The following ODAD2 variants were observed in gnomAD, a reference collection of about 807,000 sequenced individuals.
ODAD2 encodes outer dynein arm-docking complex subunit 2.
A neutral mutation model predicts 106.8 loss-of-function variants in ODAD2; 89 were observed. The observed-to-expected ratio is 0.83, with a 90% CI of 0.70 to 0.99. ODAD2 has a LOEUF of 0.99. ODAD2 is among the 50% of genes least tolerant of loss of function. The probability of loss-of-function intolerance (pLI) is 0.00; values close to 1 mark genes in which losing one functional copy is unlikely to be tolerated. For synonymous variants in ODAD2, 404 were observed against 436.2 expected, an observed-to-expected ratio of 0.93 and a Z score of 0.92; for missense variants, 1,168 against 1,238.5, an observed-to-expected ratio of 0.94 and a Z score of 0.85.
chr10:27,988,178 A>AT (rs995524342), intron 2 of ODAD2, among the ~76,000 whole-genome samples: 2 of 151,610 alleles, frequency 1.3e-5, no homozygotes, highest in African/African-American at 4.9e-5. Flanking sequence ...CATTTTAATG[A>AT]TTTTTTTCAG....
rs1244400257 is a variant in ODAD2, at chr10:27,961,725, A to G, written c.1239-10T>C. The G allele has an allele frequency of 2.5e-6, 4 of 1,600,474 alleles. No homozygotes were observed. The highest frequency in any genetic ancestry group is 1.1e-5 in the South Asian group (1 of 88,376). ...CTTTTCAGCACTCTTCCTAAGAACA[A>G]TAACAACACACATACACATGTAAGC... On this transcript the variant is annotated splice_polypyrimidine_tract_variant and intron_variant, in intron 9 of 19. Coordinates refer to ENST00000305242, the MANE Select transcript of ODAD2 (RefSeq NM_018076.5).
chr10:27,903,722 C>T (rs961658168), intron 17 of ODAD2, among the ~76,000 whole-genome samples: 2 of 152,104 alleles, frequency 1.3e-5, no homozygotes. Flanking sequence ...GAATAAAATA[C>T]CTAGGAATAG....
At chr10:27,891,336 C>G (rs548305954) in intron 17 of ODAD2, among the ~76,000 whole-genome samples, 1 of 151,978 alleles carries the variant, frequency 6.6e-6, no homozygotes, top group African/African-American at 2.4e-5. Flanking sequence ...CAGTTTGGAG[C>G]AGAACTTTAG....
chr10:27,940,882 T>C, intron 12 of ODAD2, 77 bp from the exon 13 acceptor site: 5 of 1,443,986 alleles, frequency 3.5e-6, no homozygotes. Context: ...AGCTACAGTG[T>C]TCCTTACCAA....
At chr10:27,897,414 T>C (rs1842930033) in intron 17 of ODAD2, among the ~76,000 whole-genome samples, 1 of 152,194 alleles carries the variant, frequency 6.6e-6, no homozygotes. Context: ...TTGGTAAAAA[T>C]TCTATCATGT....
chr10:27,852,960 CA>C (rs61548333), intron 19 of ODAD2, among the ~76,000 whole-genome samples: 3,639 of 84,696 alleles, frequency 0.043, 85 homozygotes, highest in African/African-American at 0.14. Flanking sequence ...GACACAGTCT[CA>C]AAAAAAAAAA....
intron 19 of ODAD2, among the ~76,000 whole-genome samples, chr10:27,842,134 A>G (rs1383725048): frequency 6.6e-6 from 1 of 152,158 alleles, no homozygotes; most frequent in Non-Finnish European, 1.5e-5. Flanking sequence ...TCCCTTCATT[A>G]GTCTTCATTT....
chr10:27,882,225 G>GAAAGAAAGAAAGAAAGAAAT (rs1564461538), intron 17 of ODAD2, among the ~76,000 whole-genome samples: 5 of 150,724 alleles, frequency 3.3e-5, no homozygotes, highest in African/African-American at 1.2e-4. Context: ...AAGAAAGAAA[G>GAAAGAAAGAAAGAAAGAAAT]AAAGAAAGAA....
intron 17 of ODAD2, among the ~76,000 whole-genome samples, chr10:27,906,331 G>A (rs1843585654): frequency 6.6e-6 from 1 of 152,198 alleles, no homozygotes; most frequent in African/African-American, 2.4e-5. Context: ...ACACCAGTTA[G>A]AATGGCAATC....
chr10:27,834,803 T>C (rs765133742), intron 19 of ODAD2, among the ~76,000 whole-genome samples: 1 of 152,186 alleles, frequency 6.6e-6, no homozygotes, highest in Non-Finnish European at 1.5e-5. Flanking sequence ...TTCTCAGATG[T>C]CCTTGTTTAC....
At chr10:27,854,612 C>G (rs986416056) in intron 19 of ODAD2, among the ~76,000 whole-genome samples, 1 of 151,712 alleles carries the variant, frequency 6.6e-6, no homozygotes, top group African/African-American at 2.4e-5. Flanking sequence ...AAAAATTAGC[C>G]CGGTGTGGTG....
At chr10:27,959,823 G>A (rs555228488) in intron 10 of ODAD2, among the ~76,000 whole-genome samples, 38 of 152,004 alleles carry the variant, frequency 2.5e-4, no homozygotes, top group African/African-American at 8.9e-4. Flanking sequence ...CATTTTTTGT[G>A]GTAGAGTTAT....
chr10:27,894,316 CA>C (rs1403425242), intron 17 of ODAD2, among the ~76,000 whole-genome samples: 4 of 151,768 alleles, frequency 2.6e-5, no homozygotes, highest in Non-Finnish European at 4.4e-5. Flanking sequence ...CATGAGACCT[CA>C]AAAAAATTCC....
chr10:27,929,988 C>A (rs1043006646), intron 16 of ODAD2, among the ~76,000 whole-genome samples: 2 of 152,016 alleles, frequency 1.3e-5, no homozygotes, highest in East Asian at 3.9e-4. Flanking sequence ...TTGGTTCCAA[C>A]CTCTTCTTGA....
chr10:27,824,138 C>CA (rs71388934), intron 19 of ODAD2, among the ~76,000 whole-genome samples: 2,653 of 33,022 alleles, frequency 0.08, 418 homozygotes, highest in Middle Eastern at 0.11. Flanking sequence ...GACTCCGTCT[C>CA]AAAAAAAAAA....
chr10:27,979,877 A>C (rs1196747728), intron 7 of ODAD2, among the ~76,000 whole-genome samples: 1 of 152,212 alleles, frequency 6.6e-6, no homozygotes, highest in Non-Finnish European at 1.5e-5. Flanking sequence ...AAATTCATAA[A>C]CAGTGTCAAG....
chr10:27,948,801 T>C (rs1194410374), intron 10 of ODAD2, among the ~76,000 whole-genome samples: 2 of 146,948 alleles, frequency 1.4e-5, no homozygotes, highest in African/African-American at 5.2e-5. Context: ...TTTTTTTTTT[T>C]TTGCAATTGA....
rs534355010 is a variant in ODAD2, at chr10:27,909,514, G to A, written c.2496-1737C>T. ...AGTGAGGATTTTGATCTCATTACTG[G>A]TGTCTTAAAAGAAGACTCAGGGGCG... On this transcript the variant is annotated intron_variant, in intron 16 of 19. Coordinates refer to ENST00000305242, the MANE Select transcript of ODAD2 (RefSeq NM_018076.5). Among the ~76,000 whole-genome samples the A allele has an allele frequency of 4.6e-5, 7 of 152,062 alleles. No homozygotes were observed. In the South Asian group the frequency reaches 1.5e-3, roughly 32 times the overall value.
chr10:27,832,932 A>G (rs908106764), intron 19 of ODAD2, among the ~76,000 whole-genome samples: 7 of 152,254 alleles, frequency 4.6e-5, no homozygotes, highest in Admixed American at 1.3e-4. Flanking sequence ...TTTTTTTCAA[A>G]TTATTTTAGT....
Sources: allele counts gnomAD v4.1 joint callset (sites outside exome capture counted in the v4.1 genomes callset), GRCh38; gene constraint gnomAD v4.1.1; transcripts MANE v1.5; gene names NCBI Gene and HGNC (gene_info 2026-07-23, HGNC 2026-07-21).